Variants in EXT1 observed in about 807,000 individuals in gnomAD.
EXT1 encodes exostosin glycosyltransferase 1.
A neutral mutation model predicts 82.5 loss-of-function variants in EXT1; 20 were observed. That is an observed-to-expected ratio of 0.24 (90% CI 0.17 to 0.35). EXT1 has a LOEUF of 0.35. Ranked by LOEUF, EXT1 falls within the 10% of genes least tolerant of loss-of-function variation. The probability of loss-of-function intolerance (pLI) is 1.00; values close to 1 mark genes in which losing one functional copy is unlikely to be tolerated. For missense variants in EXT1, 757 were observed against 936.5 expected, an observed-to-expected ratio of 0.81 and a Z score of 2.50; for synonymous variants, 348 against 350.8, an observed-to-expected ratio of 0.99 and a Z score of 0.09.
At chr8:117,943,952 C>A (rs887933307) in intron 1 of EXT1, among the ~76,000 whole-genome samples, 1 of 152,196 alleles carries the variant, frequency 6.6e-6, no homozygotes, top group African/African-American at 2.4e-5. Flanking sequence ...CCTCCCACCC[C>A]CTCTGTATGC....
intron 4 of EXT1, among the ~76,000 whole-genome samples, chr8:117,825,139 T>C (rs1025163406): frequency 2.0e-5 from 3 of 152,200 alleles, no homozygotes; most frequent in African/African-American, 7.2e-5. Flanking sequence ...CCCAAAGTGT[T>C]GGGACTACAG....
chr8:118,109,972 G>C, intron 1 of EXT1, 113 bp downstream of exon 1: 1 of 1,546,772 alleles, frequency 6.5e-7, no homozygotes. Context: ...GCTCAAAGGG[G>C]AAAGAGGACT....
At chr8:117,976,128 C>G (rs1815059976) in intron 1 of EXT1, among the ~76,000 whole-genome samples, 1 of 152,064 alleles carries the variant, frequency 6.6e-6, no homozygotes. Context: ...TATTTAGGCC[C>G]ATATTAGAGC....
intron 1 of EXT1, among the ~76,000 whole-genome samples, chr8:117,975,028 T>C (rs1815036803): frequency 6.6e-6 from 1 of 152,234 alleles, no homozygotes; most frequent in Non-Finnish European, 1.5e-5. Context: ...GAACCTGTAC[T>C]TTCACGTTAG....
chr8:117,838,611 T>C (rs1169426824), intron 1 of EXT1, among the ~76,000 whole-genome samples: 2 of 152,220 alleles, frequency 1.3e-5, no homozygotes, highest in African/African-American at 2.4e-5. Flanking sequence ...GTAAAAAAGA[T>C]TTTTAAGAAG....
chr8:117,804,315 A>G (rs1183097979), intron 10 of EXT1, among the ~76,000 whole-genome samples: 1 of 152,146 alleles, frequency 6.6e-6, no homozygotes, highest in African/African-American at 2.4e-5. Flanking sequence ...GAATCAGGAA[A>G]CAGTCTCTTG....
chr8:117,835,655 C>A (rs1812177506), intron 2 of EXT1, 104 bp from the exon 3 acceptor site: 5 of 844,012 alleles, frequency 5.9e-6, no homozygotes, highest in Middle Eastern at 5.8e-4. Context: ...ATTTTTGACA[C>A]TGCATGAATC....
intron 1 of EXT1, among the ~76,000 whole-genome samples, chr8:118,006,458 T>G (rs1192434480): frequency 6.6e-6 from 1 of 152,162 alleles, no homozygotes; most frequent in South Asian, 2.1e-4. Context: ...ACTTTCCTTT[T>G]TCAGAGCTGA....
intron 1 of EXT1, among the ~76,000 whole-genome samples, chr8:117,897,263 C>T (rs1002753855): frequency 2.0e-5 from 3 of 152,188 alleles, no homozygotes; most frequent in African/African-American, 7.2e-5. Flanking sequence ...AGAGCGTGCA[C>T]ATTGTCCTTC....
chr8:117,956,177 CAA>C (rs11308914), intron 1 of EXT1, among the ~76,000 whole-genome samples: 82 of 141,844 alleles, frequency 5.8e-4, no homozygotes, highest in Middle Eastern at 3.7e-3. Context: ...TTTTTAACAG[CAA>C]AAAAAAAAAA....
intron 1 of EXT1, among the ~76,000 whole-genome samples, chr8:118,045,743 G>A (rs11562726): frequency 0.054 from 8,129 of 151,426 alleles, 691 homozygotes; most frequent in African/African-American, 0.19. Context: ...TATTGCAGCT[G>A]CCTTCTTACT....
chr8:117,861,702 G>C lies in EXT1; in HGVS notation c.963-24501C>G, dbSNP rs1165914045. On this transcript the variant is annotated intron_variant, in intron 1 of 10. Transcript: ENST00000378204. ...GTAGAGATGGGGTTTTACCATGCTG[G>C]CCAGGCTGGCCTTGAACTCCTGACC... is the stretch of plus-strand genomic sequence containing the variant. Among the ~76,000 whole-genome samples the C allele has an allele frequency of 1.4e-5, 2 of 143,258 alleles. 1 individual carries two copies. Among genetic ancestry groups the C allele is most frequent in the Non-Finnish European group, 3.1e-5 (2 of 63,998 alleles). The allele number at this position is 143,258 out of a possible 152,430, so 94.0% of individuals were successfully genotyped here.
At chr8:117,945,155 C>G (rs1814363109) in intron 1 of EXT1, among the ~76,000 whole-genome samples, 1 of 152,206 alleles carries the variant, frequency 6.6e-6, no homozygotes, top group Non-Finnish European at 1.5e-5. Context: ...GAGCGAGACT[C>G]CGTCTCAAGA....
intron 1 of EXT1, among the ~76,000 whole-genome samples, chr8:118,087,913 G>A (rs1817452501): frequency 7.5e-6 from 1 of 133,980 alleles, no homozygotes; most frequent in African/African-American, 2.9e-5. Flanking sequence ...AATACCAGAC[G>A]CCTATTTGTT....
intron 1 of EXT1, among the ~76,000 whole-genome samples, chr8:118,084,684 T>C (rs1223483170): frequency 6.6e-6 from 1 of 152,188 alleles, no homozygotes; most frequent in Non-Finnish European, 1.5e-5. Flanking sequence ...GGCTGAGACC[T>C]AGGGCATGGC....
At chr8:117,988,035 C>T (rs1815356114) in intron 1 of EXT1, among the ~76,000 whole-genome samples, 1 of 152,148 alleles carries the variant, frequency 6.6e-6, no homozygotes, top group Admixed American at 6.5e-5. Flanking sequence ...CTGTGGTGAG[C>T]CGTAATGGTG....
chr8:117,845,333 G>A (rs1812335453), intron 1 of EXT1, among the ~76,000 whole-genome samples: 1 of 152,088 alleles, frequency 6.6e-6, no homozygotes, highest in African/African-American at 2.4e-5. Flanking sequence ...AACACGCCAG[G>A]TCATAATCTC....
chr8:118,107,015 T>C (rs1817812991), intron 1 of EXT1, among the ~76,000 whole-genome samples: 1 of 152,272 alleles, frequency 6.6e-6, no homozygotes, highest in South Asian at 2.1e-4. Flanking sequence ...AGCTTTTCTA[T>C]ACCTTTGTAA....
At chr8:117,828,678 A>T (rs1482679671) in intron 4 of EXT1, among the ~76,000 whole-genome samples, 2 of 152,174 alleles carry the variant, frequency 1.3e-5, no homozygotes, top group Admixed American at 1.3e-4. Flanking sequence ...ATTTTAATTG[A>T]GGAGATTGCT....
Sources: gnomAD v4.1 joint callset for allele counts (sites outside exome capture counted in the v4.1 genomes callset) on GRCh38, gnomAD v4.1.1 for gene constraint, MANE v1.5 for transcripts, NCBI Gene and HGNC (gene_info 2026-07-23, HGNC 2026-07-21) for gene names.